Variants in RBPMS observed in about 807,000 individuals in gnomAD.
RBPMS encodes the protein RNA-binding protein with multiple splicing.
Under a neutral mutation model 26.8 loss-of-function variants are expected in RBPMS, and 7 were observed. That is an observed-to-expected ratio of 0.26 (90% CI 0.15 to 0.49). The LOEUF (loss-of-function observed/expected upper bound fraction) is 0.49. Ranked by LOEUF, RBPMS falls within the 20% of genes least tolerant of loss-of-function variation. RBPMS has a pLI of 0.98. For missense variants in RBPMS, 186 were observed against 250.0 expected, an observed-to-expected ratio of 0.74 and a Z score of 1.73; for synonymous variants, 96 against 93.3, an observed-to-expected ratio of 1.03 and a Z score of -0.17.
chr8:30,386,240 A>G lies in RBPMS; in HGVS notation c.66+1082A>G, dbSNP rs544221082. Among the ~76,000 whole-genome samples, 10 of 152,342 alleles carry G rather than the reference A, an allele frequency of 6.6e-5. No individual in the cohort carries two copies. In the South Asian group the frequency reaches 2.1e-3, roughly 32 times the overall value. ...AGAATGTTGAGATCATTGTTGAGAC[A>G]CTATGTTGTGTGCAAACTTCAATTC... On this transcript the variant is annotated intron_variant, in intron 1 of 8. Transcript: ENST00000397323.
intron 1 of RBPMS, among the ~76,000 whole-genome samples, chr8:30,427,858 T>G (rs1811526217): frequency 6.6e-6 from 1 of 151,874 alleles, no homozygotes; most frequent in African/African-American, 2.4e-5. Context: ...GGGGAGAATC[T>G]GAGTAAAGTG....
At chr8:30,522,272 T>TAAA (rs570609747) in intron 5 of RBPMS, among the ~76,000 whole-genome samples, 1 of 136,232 alleles carries the variant, frequency 7.3e-6, no homozygotes, top group Non-Finnish European at 1.6e-5. Flanking sequence ...CATCTCTATT[T>TAAA]AAAAAAAAAA....
intron 4 of RBPMS, 86 bp from the exon 5 acceptor site, chr8:30,504,200 G>C (rs986684945): frequency 7.2e-7 from 1 of 1,396,912 alleles, no homozygotes; most frequent in Non-Finnish European, 1.0e-6. Flanking sequence ...GATAGACCAG[G>C]GTTTACTGGT....
chr8:30,563,706 T>C (rs1045295374), intron 7 of RBPMS, among the ~76,000 whole-genome samples: 4 of 152,230 alleles, frequency 2.6e-5, no homozygotes, highest in Non-Finnish European at 4.4e-5. Context: ...GGCTGTGAGC[T>C]TGAGTCATCC....
chr8:30,545,562 GT>G (rs763407458), intron 6 of RBPMS: 6 of 508,060 alleles, frequency 1.2e-5, no homozygotes, highest in African/African-American at 2.1e-5. Flanking sequence ...CAGAGTTTTC[GT>G]TTGCCTGTTT....
intron 3 of RBPMS, among the ~76,000 whole-genome samples, chr8:30,478,866 G>T (rs1257350974): frequency 2.0e-5 from 3 of 152,220 alleles, no homozygotes; most frequent in Non-Finnish European, 4.4e-5. Context: ...TTTTGGTCAT[G>T]CAGTGAGAGT....
At chr8:30,553,216 G>A (rs1187073798) in intron 6 of RBPMS, 2 of 152,246 alleles carry the variant, frequency 1.3e-5, no homozygotes, top group African/African-American at 2.4e-5. Context: ...ATTCTGGGGG[G>A]CAGGGAGAAG....
intron 5 of RBPMS, among the ~76,000 whole-genome samples, chr8:30,508,089 C>A (rs1381897887): frequency 6.6e-6 from 1 of 152,066 alleles, no homozygotes; most frequent in Non-Finnish European, 1.5e-5. Context: ...TCAAATGGGG[C>A]CCTTAGGGGT....
At chr8:30,506,155 A>T (rs1012143310) in intron 5 of RBPMS, among the ~76,000 whole-genome samples, 6 of 152,108 alleles carry the variant, frequency 3.9e-5, no homozygotes, top group African/African-American at 1.4e-4. Context: ...ATAGGAACAA[A>T]CTGGACATTC....
chr8:30,561,674 C>T (rs995919083), intron 7 of RBPMS, among the ~76,000 whole-genome samples: 2 of 152,278 alleles, frequency 1.3e-5, no homozygotes, highest in Admixed American at 1.3e-4. Context: ...GCTGGAGAAG[C>T]AGGGTGCGCC....
intron 8 of RBPMS, among the ~76,000 whole-genome samples, chr8:30,568,164 A>G (rs1311511917): frequency 9.9e-5 from 15 of 152,242 alleles, no homozygotes; most frequent in Admixed American, 9.8e-4. Context: ...GTATTAAATG[A>G]AAACGGAAGC....
At chr8:30,417,661 T>A (rs1810255674) in intron 1 of RBPMS, among the ~76,000 whole-genome samples, 1 of 152,248 alleles carries the variant, frequency 6.6e-6, no homozygotes, top group African/African-American at 2.4e-5. Context: ...TGCATCTTTT[T>A]ATGTACTTAA....
At chr8:30,433,736 A>G (rs1812171432) in intron 1 of RBPMS, among the ~76,000 whole-genome samples, 1 of 152,206 alleles carries the variant, frequency 6.6e-6, no homozygotes, top group South Asian at 2.1e-4. Context: ...GGATAATTGC[A>G]TGAACATAGG....
At chr8:30,471,105 C>T in intron 1 of RBPMS, among the ~76,000 whole-genome samples, 1 of 152,046 alleles carries the variant, frequency 6.6e-6, no homozygotes, top group East Asian at 1.9e-4. Flanking sequence ...TACAAATAAG[C>T]TAATAAACAT....
chr8:30,442,483 C>A (rs139019239), intron 1 of RBPMS: 1 of 152,288 alleles, frequency 6.6e-6, no homozygotes, highest in East Asian at 1.9e-4. Context: ...GCTTTATCTT[C>A]TGTTTCTGTA....
At chr8:30,415,338 T>G (rs2150594858) in intron 1 of RBPMS, among the ~76,000 whole-genome samples, 2 of 152,356 alleles carry the variant, frequency 1.3e-5, no homozygotes, top group Middle Eastern at 6.8e-3. Context: ...CTTAAGCCAC[T>G]TTCCTTGTTT....
At chr8:30,387,191 A>T (rs1807210987) in intron 1 of RBPMS, 1 of 152,166 alleles carries the variant, frequency 6.6e-6, no homozygotes, top group South Asian at 2.1e-4. Context: ...AAGTAAGGGG[A>T]CACGTAGGAA....
chr8:30,547,251 TTA>T, intron 6 of RBPMS: 3 of 1,370,310 alleles, frequency 2.2e-6, no homozygotes, highest in Non-Finnish European at 3.1e-6. Context: ...CTTAGCAATG[TTA>T]TGCTCTATTT....
intron 4 of RBPMS, among the ~76,000 whole-genome samples, chr8:30,488,787 A>G (rs1443539261): frequency 6.6e-6 from 1 of 152,212 alleles, no homozygotes; most frequent in East Asian, 1.9e-4. Flanking sequence ...CATAACATCA[A>G]GTGTTAGTGA....
Sources: allele counts gnomAD v4.1 joint callset (sites outside exome capture counted in the v4.1 genomes callset), GRCh38; gene constraint gnomAD v4.1.1; transcripts MANE v1.5; gene names NCBI Gene and HGNC (gene_info 2026-07-23, HGNC 2026-07-21).